Variants in FRMD4B observed in about 807,000 individuals in gnomAD.
FRMD4B encodes the protein FERM domain-containing protein 4B.
FRMD4B carries 74 observed loss-of-function variants against 141.5 expected under a neutral mutation model. The ratio of observed to expected loss-of-function variants is 0.52; its 90% CI spans 0.43 to 0.63. FRMD4B has a LOEUF of 0.63. FRMD4B is among the 30% of genes least tolerant of loss of function. The pLI is 0.00. For missense variants in FRMD4B, 1,366 were observed against 1,253.4 expected, an observed-to-expected ratio of 1.09 and a Z score of -1.36; for synonymous variants, 506 against 467.9, an observed-to-expected ratio of 1.08 and a Z score of -1.05.
intron 1 of FRMD4B, among the ~76,000 whole-genome samples, chr3:69,329,542 T>TG (rs1702299236): frequency 7.6e-6 from 1 of 131,990 alleles, no homozygotes; most frequent in Admixed American, 7.4e-5. Context: ...TTTTTTTTTT[T>TG]TTTGAGATGG....
chr3:69,448,146 C>T (rs1343655885), intron 1 of FRMD4B, among the ~76,000 whole-genome samples: 1 of 151,894 alleles, frequency 6.6e-6, no homozygotes, highest in East Asian at 1.9e-4. Context: ...TCTCGTGGCT[C>T]AGCCTCCCAA....
chr3:69,300,743 G>GT (rs1701188173), intron 4 of FRMD4B, among the ~76,000 whole-genome samples: 1 of 152,010 alleles, frequency 6.6e-6, no homozygotes, highest in East Asian at 1.9e-4. Flanking sequence ...TTTTGTTTTT[G>GT]TTTTTGTTTT....
intron 11 of FRMD4B, among the ~76,000 whole-genome samples, chr3:69,215,465 G>A (rs368298079): frequency 6.7e-6 from 1 of 150,140 alleles, no homozygotes; most frequent in African/African-American, 2.4e-5. Context: ...GCTAATTTTT[G>A]TATTTTTAGT....
intron 7 of FRMD4B, among the ~76,000 whole-genome samples, chr3:69,240,463 A>G (rs1007430155): frequency 2.2e-5 from 3 of 137,546 alleles, no homozygotes; most frequent in Non-Finnish European, 4.6e-5. Flanking sequence ...AGCCTGGACG[A>G]CAGAGCAAGA....
chr3:69,207,879 A>G (rs1431638950), intron 11 of FRMD4B, among the ~76,000 whole-genome samples: 1 of 152,018 alleles, frequency 6.6e-6, no homozygotes, highest in Admixed American at 6.6e-5. Flanking sequence ...CTTTTCTTCT[A>G]GCAGCATCTT....
At chr3:69,362,700 A>C (rs1301168973) in intron 1 of FRMD4B, among the ~76,000 whole-genome samples, 45 of 142,780 alleles carry the variant, frequency 3.2e-4, no homozygotes, top group South Asian at 7.1e-4. Context: ...CAAAAAGCCA[A>C]CCCCCCCCCC....
At chr3:69,495,854 AG>A (rs1439222136) in intron 1 of FRMD4B, among the ~76,000 whole-genome samples, 1 of 152,178 alleles carries the variant, frequency 6.6e-6, no homozygotes, top group African/African-American at 2.4e-5. Flanking sequence ...ATTTAAATTG[AG>A]GGCCATCATT....
At chr3:69,363,995 T>A (rs530705766) in intron 1 of FRMD4B, among the ~76,000 whole-genome samples, 8 of 152,284 alleles carry the variant, frequency 5.3e-5, no homozygotes, top group Admixed American at 5.2e-4. Flanking sequence ...TCAGAGAAAG[T>A]AGGGAAGCAC....
Position 69,181,709 on chromosome 3 carries a change from G to A in FRMD4B, c.2041C>T (p.Pro681Ser), listed in dbSNP as rs992684398. 1.2e-6 allele frequency: 2 copies of A among 1,601,632 alleles called. No homozygotes were observed. The highest frequency in any genetic ancestry group is 1.7e-6 in the Non-Finnish European group (2 of 1,172,628). ...CGGCAGTGCTGAGATGAAGATTCGGGTCTGAAAGAGGAGAAAGGCAAACTT... is the reference window on the plus strand; with the variant it reads ...CGGCAGTGCTGAGATGAAGATTCGGATCTGAAAGAGGAGAAAGGCAAACTT... ...RNAYSSSHLEPESSSQHCRQR... is the reference protein window; with the variant it reads ...RNAYSSSHLESESSSQHCRQR... Residue 681 changes from proline to serine, a missense_variant and splice_region_variant, in exon 21 of 23, where the codon CCC (proline) becomes TCC (serine). By Grantham distance (74) the Pro-to-Ser change is moderately conservative. Coordinates refer to ENST00000398540, the MANE Select transcript of FRMD4B (RefSeq NM_015123.3).
intron 1 of FRMD4B, chr3:69,536,441 T>A: frequency 1.4e-6 from 1 of 706,308 alleles, no homozygotes; most frequent in Non-Finnish European, 2.6e-6. Context: ...ACGTCCACCG[T>A]TGGGTACTTG....
At chr3:69,308,534 C>A (rs138775858) in intron 3 of FRMD4B, among the ~76,000 whole-genome samples, 27 of 151,006 alleles carry the variant, frequency 1.8e-4, no homozygotes, top group African/African-American at 6.5e-4. Flanking sequence ...ACTTTCTGGG[C>A]TCATGCAATC....
intron 21 of FRMD4B, among the ~76,000 whole-genome samples, chr3:69,177,877 G>C (rs1050310533): frequency 2.6e-5 from 4 of 152,132 alleles, no homozygotes; most frequent in African/African-American, 9.7e-5. Flanking sequence ...CCGCTAGCAA[G>C]ATCAAGGCTA....
In FRMD4B at chr3:69,385,848, C is replaced by T. The variant is rs748038460; in HGVS notation, c.142G>A (p.Gly48Arg). 1.3e-6 allele frequency: 2 copies of T among 1,593,212 alleles called. No individual in the cohort carries two copies. The highest frequency in any genetic ancestry group is 1.7e-5 in the Admixed American group (1 of 57,566). ...ACHQVLRTWCGLQDVYQMTEG... is the reference protein window; with the variant it reads ...ACHQVLRTWCRLQDVYQMTEG... ...CTCACCTGGTACACGTCCTGCAGCCCGCACCACGTCCGCAGCACCTGGTGG... is the reference window on the plus strand; with the variant it reads ...CTCACCTGGTACACGTCCTGCAGCCTGCACCACGTCCGCAGCACCTGGTGG... The change falls in exon 1 of 23, where the codon GGG becomes AGG. Residue 48 changes from glycine to arginine, a missense_variant. Coordinates refer to ENST00000398540, the MANE Select transcript of FRMD4B (RefSeq NM_015123.3).
intron 7 of FRMD4B, among the ~76,000 whole-genome samples, chr3:69,245,602 C>A (rs1267883217): frequency 6.6e-6 from 1 of 151,946 alleles, no homozygotes; most frequent in Non-Finnish European, 1.5e-5. Flanking sequence ...CTATCTCGGC[C>A]TCCTAAAATG....
chr3:69,385,686 C>T, intron 1 of FRMD4B, 142 bp downstream of exon 1: 1 of 651,096 alleles, frequency 1.5e-6, no homozygotes, highest in Non-Finnish European at 2.4e-6. Flanking sequence ...CCTAGAGCTG[C>T]TGAGCGTTTG....
At chr3:69,225,876 C>T (rs1394743089) in intron 7 of FRMD4B, among the ~76,000 whole-genome samples, 2 of 152,004 alleles carry the variant, frequency 1.3e-5, no homozygotes, top group East Asian at 3.9e-4. Flanking sequence ...TCTGATGAAA[C>T]TGGTGTTCAT....
chr3:69,455,456 C>G (rs150277786), intron 1 of FRMD4B, among the ~76,000 whole-genome samples: 1 of 152,158 alleles, frequency 6.6e-6, no homozygotes, highest in Non-Finnish European at 1.5e-5. Context: ...ATGAACAACT[C>G]CAGACATGCC....
intron 5 of FRMD4B, among the ~76,000 whole-genome samples, chr3:69,270,548 A>C (rs1221103598): frequency 6.9e-6 from 1 of 145,322 alleles, no homozygotes; most frequent in East Asian, 2.0e-4. Context: ...TCAACCAAGC[A>C]TTTTCTTTTT....
In FRMD4B at chr3:69,311,846, T is replaced by C. The variant is rs79089557; in HGVS notation, c.229-489A>G. On this transcript the variant is annotated intron_variant, in intron 2 of 22. Transcript: ENST00000398540. ...ATAATAATAATAATAATAGTTACTA[T>C]TTATTATGCTGAACTTATATCCCAT... is the stretch of plus-strand genomic sequence containing the variant. Among the ~76,000 whole-genome samples, 1,318 of 152,140 alleles carry C rather than the reference T, an allele frequency of 8.7e-3. 17 individuals carry two copies. The highest frequency in any genetic ancestry group is 0.03 in the African/African-American group (1,259 of 41,504).
Sources: allele counts gnomAD v4.1 joint callset (sites outside exome capture counted in the v4.1 genomes callset), GRCh38; gene constraint gnomAD v4.1.1; transcripts MANE v1.5; gene names NCBI Gene and HGNC (gene_info 2026-07-23, HGNC 2026-07-21).